RAB33A: variants seen among roughly 807,000 people sequenced by gnomAD.
RAB33A encodes RAB33A, member RAS oncogene family, also known as ras-related protein Rab-33A.
Under a neutral mutation model 12.0 loss-of-function variants are expected in RAB33A, and 6 were observed. The ratio of observed to expected loss-of-function variants is 0.50; its 90% confidence interval spans 0.27 to 0.99. The LOEUF is 0.99. Ranked by LOEUF, RAB33A falls within the 50% of genes least tolerant of loss-of-function variation. The pLI, the probability that RAB33A is intolerant of heterozygous loss-of-function variation, is 0.11. For synonymous variants in RAB33A, 70 were observed against 82.4 expected, an observed-to-expected ratio of 0.85 and a Z score of 0.81; for missense variants, 109 against 192.0, an observed-to-expected ratio of 0.57 and a Z score of 2.55.
the RAB33A span, among the ~76,000 whole-genome samples, chrX:130,140,898 C>G: frequency 8.9e-6 from 1 of 112,262 alleles, no homozygotes. Context: ...AGGCAGATCA[C>G]TGAGGCCACG....
the RAB33A span, among the ~76,000 whole-genome samples, chrX:130,123,124 G>C: frequency 9.0e-6 from 1 of 111,205 alleles, no homozygotes; most frequent in Non-Finnish European, 1.9e-5. Flanking sequence ...ACTGAGAGAT[G>C]GAGAGATGAA....
At chrX:130,165,229 C>A in the RAB33A span, among the ~76,000 whole-genome samples, 2 of 88,503 alleles carry the variant, frequency 2.3e-5, no homozygotes, top group Non-Finnish European at 4.2e-5. Context: ...TACTTGACCT[C>A]ATTGCTCTAA....
chrX:130,135,758 T>G, the RAB33A span, among the ~76,000 whole-genome samples: 1 of 112,027 alleles, frequency 8.9e-6, no homozygotes. Context: ...CTTATGTGCA[T>G]GCCCACCAGG....
At chrX:130,173,516 C>G (rs1646674517) in intron 1 of RAB33A, among the ~76,000 whole-genome samples, 1 of 111,807 alleles carries the variant, frequency 8.9e-6, no homozygotes, top group African/African-American at 3.3e-5. Context: ...TGCGAGACTC[C>G]TGACTCCTTG....
At chrX:130,111,928 G>C in the RAB33A span, among the ~76,000 whole-genome samples, 2 of 111,569 alleles carry the variant, frequency 1.8e-5, no homozygotes, top group Non-Finnish European at 3.8e-5. Context: ...GGCCTTTTTG[G>C]GGGTGGGGGC....
chrX:130,139,168 C>CAA, the RAB33A span, among the ~76,000 whole-genome samples: 20 of 92,879 alleles, frequency 2.2e-4, no homozygotes, highest in Admixed American at 5.9e-4. Context: ...ACTAAAAATA[C>CAA]AAAAAAAAAA....
At chrX:130,131,831 G>A in the RAB33A span, 1 of 1,207,323 alleles carries the variant, frequency 8.3e-7, no homozygotes, top group Non-Finnish European at 1.1e-6. Flanking sequence ...TTCTGTCAAG[G>A]GACTGTAAGG....
intron 1 of RAB33A, among the ~76,000 whole-genome samples, chrX:130,182,139 C>CAAAAAA (rs1188540923): frequency 0.015 from 456 of 30,496 alleles, 84 homozygotes; most frequent in African/African-American, 0.064. Context: ...TCTGTCTCTA[C>CAAAAAA]AAAAAAAAAA....
chrX:130,161,161 A>T, the RAB33A span, among the ~76,000 whole-genome samples: 4 of 111,196 alleles, frequency 3.6e-5, no homozygotes, highest in East Asian at 1.1e-3. Flanking sequence ...TGGTTAAGAG[A>T]TCTATACGTT....
chrX:130,163,145 C>A, the RAB33A span, among the ~76,000 whole-genome samples: 1 of 109,601 alleles, frequency 9.1e-6, no homozygotes, highest in South Asian at 4.0e-4. Flanking sequence ...CCCGTCTCTA[C>A]TAAAAATACA....
At chrX:130,178,853 C>T (rs187641445) in intron 1 of RAB33A, among the ~76,000 whole-genome samples, 7 of 108,484 alleles carry the variant, frequency 6.5e-5, no homozygotes, top group African/African-American at 1.3e-4. Flanking sequence ...AGGGTTTCAC[C>T]GCGTTAGCCA....
chrX:130,182,179 T>TAC (rs59077749), intron 1 of RAB33A, among the ~76,000 whole-genome samples: 4 of 72,696 alleles, frequency 5.5e-5, no homozygotes, highest in Admixed American at 1.9e-4. Context: ...TATATATATA[T>TAC]ATACACATAT....
intron 1 of RAB33A, among the ~76,000 whole-genome samples, chrX:130,176,517 A>G (rs147771695): frequency 9.0e-6 from 1 of 111,340 alleles, no homozygotes; most frequent in Non-Finnish European, 1.9e-5. Context: ...CACTGGGGGA[A>G]AAAAAATACC....
At chrX:130,138,212 T>C in the RAB33A span, among the ~76,000 whole-genome samples, 1 of 111,824 alleles carries the variant, frequency 8.9e-6, no homozygotes. Context: ...ACGCCTGTAA[T>C]CCCAGCACTT....
the RAB33A span, chrX:130,145,537 G>A: frequency 4.1e-6 from 5 of 1,209,248 alleles, no homozygotes; most frequent in Non-Finnish European, 5.6e-6. Context: ...GTCCTGAGCA[G>A]AGACATAGAA....
At chrX:130,139,977 G>A in the RAB33A span, 1 of 693,814 alleles carries the variant, frequency 1.4e-6, no homozygotes, top group Non-Finnish European at 2.3e-6. Context: ...TAGCACCATG[G>A]CGGCAACAAC....
the RAB33A span, among the ~76,000 whole-genome samples, chrX:130,116,794 A>G: frequency 5.3e-5 from 6 of 112,695 alleles, no homozygotes; most frequent in Admixed American, 4.7e-4. Flanking sequence ...TGGAGTTGGT[A>G]GCCACTTCCC....
chrX:130,178,740 C>T (rs2031690059), intron 1 of RAB33A, among the ~76,000 whole-genome samples: 1 of 109,826 alleles, frequency 9.1e-6, no homozygotes, highest in Admixed American at 9.6e-5. Flanking sequence ...CAAGCTCCGC[C>T]TCCCAGGTTC....
At chrX:130,155,056 T>C in the RAB33A span, 1 of 1,036,586 alleles carries the variant, frequency 9.6e-7, no homozygotes, top group South Asian at 1.9e-5. Flanking sequence ...AGAAAGCACA[T>C]GCTGTGAATA....
Sources: gnomAD v4.1 joint callset for allele counts (sites outside exome capture counted in the v4.1 genomes callset) on GRCh38, gnomAD v4.1.1 for gene constraint, MANE v1.5 for transcripts, NCBI Gene and HGNC (gene_info 2026-07-23, HGNC 2026-07-21) for gene names.